Variants in ARID4B observed in about 807,000 individuals in gnomAD.
ARID4B encodes AT-rich interactive domain-containing protein 4B.
A neutral mutation model predicts 147.5 loss-of-function variants in ARID4B; 26 were observed. The observed-to-expected ratio is 0.18, with a 90% CI of 0.13 to 0.24. The LOEUF is 0.24. Ranked by LOEUF, ARID4B falls within the 10% of genes least tolerant of loss-of-function variation. The pLI is 1.00. For missense variants in ARID4B, 1,179 were observed against 1,511.5 expected, an observed-to-expected ratio of 0.78 and a Z score of 3.65; for synonymous variants, 512 against 507.9, an observed-to-expected ratio of 1.01 and a Z score of -0.11.
intron 2 of ARID4B, among the ~76,000 whole-genome samples, chr1:235,313,128 C>G (rs1303445816): frequency 1.3e-5 from 2 of 152,146 alleles, no homozygotes; most frequent in African/African-American, 4.8e-5. Flanking sequence ...ACTGCAATTT[C>G]CACTTCCCGG....
Position 235,193,989 on chromosome 1 carries a change from C to A in ARID4B, c.2125+24G>T, listed in dbSNP as rs748525278. ...CATAAATTAAAATCAAATACTTGCA[C>A]AACAGAACGATTGTTATGTTTACCT... On this transcript the variant is annotated intron_variant, in intron 19 of 23. Transcript: ENST00000264183. 59 of 1,399,032 alleles carry A rather than the reference C, an allele frequency of 4.2e-5. No individual in the cohort carries two copies. The South Asian group carries it at 6.3e-4, about 15-fold the overall frequency. 86.7% of individuals were successfully genotyped at this position (1,399,032 alleles called of 1,614,324 possible).
chr1:235,301,554 T>C (rs1327479617), intron 2 of ARID4B, among the ~76,000 whole-genome samples: 3 of 104,896 alleles, frequency 2.9e-5, no homozygotes, highest in Non-Finnish European at 4.0e-5. Context: ...TTTTTTTTTT[T>C]CTCCTTTTGA....
At chr1:235,308,301 G>A (rs546499189) in intron 2 of ARID4B, among the ~76,000 whole-genome samples, 24 of 151,790 alleles carry the variant, frequency 1.6e-4, no homozygotes, top group South Asian at 4.2e-4. Context: ...ACAGGGTTTC[G>A]CTGTGTTGGC....
At chr1:235,206,668 G>A (rs1340199490) in intron 17 of ARID4B, among the ~76,000 whole-genome samples, 3 of 152,132 alleles carry the variant, frequency 2.0e-5, no homozygotes, top group Non-Finnish European at 2.9e-5. Flanking sequence ...CGGAAGGAGT[G>A]ATCAACTGAC....
In ARID4B at chr1:235,170,779, G is replaced by A. The variant is rs1471584469; in HGVS notation, c.3811+1839C>T. ...ATTACAAAAATTAGCTGGGCATGGC[G>A]GCACGCACCTGTAGTCCTAGCTACC... On this transcript the variant is annotated intron_variant, in intron 23 of 23. Transcript: ENST00000264183. 5.3e-5 allele frequency among the ~76,000 whole-genome samples: 8 copies of A among 151,686 alleles called. No homozygotes were observed. The East Asian group carries it at 7.7e-4, about 15-fold the overall frequency.
At chr1:235,257,389 C>A (rs1277392772) in intron 3 of ARID4B, among the ~76,000 whole-genome samples, 164 bp from the exon 4 acceptor site, 2 of 152,042 alleles carry the variant, frequency 1.3e-5, no homozygotes, top group Non-Finnish European at 2.9e-5. Context: ...TATTTACAGA[C>A]AACTGCTCAG....
intron 2 of ARID4B, among the ~76,000 whole-genome samples, chr1:235,268,585 A>G (rs71640629): frequency 3.4e-4 from 51 of 152,066 alleles, no homozygotes; most frequent in African/African-American, 1.2e-3. Context: ...CTGGAGTGCA[A>G]TGGTGTGATA....
intron 3 of ARID4B, among the ~76,000 whole-genome samples, chr1:235,258,790 T>C (rs1670132244): frequency 6.6e-6 from 1 of 152,248 alleles, no homozygotes; most frequent in African/African-American, 2.4e-5. Flanking sequence ...TTAAATCACA[T>C]GTTTAGATAT....
chr1:235,260,270 A>G (rs1387528307), intron 3 of ARID4B, among the ~76,000 whole-genome samples: 2 of 152,202 alleles, frequency 1.3e-5, no homozygotes, highest in African/African-American at 4.8e-5. Flanking sequence ...GAACTATGGT[A>G]GTTCCAATTC....
At chr1:235,283,200 CAA>C (rs1489878407) in intron 2 of ARID4B, among the ~76,000 whole-genome samples, 1 of 152,040 alleles carries the variant, frequency 6.6e-6, no homozygotes, top group Non-Finnish European at 1.5e-5. Flanking sequence ...TATAAAAGAG[CAA>C]AGAGAGGTGG....
chr1:235,269,568 C>T (rs1205333666), intron 2 of ARID4B, among the ~76,000 whole-genome samples: 1 of 152,030 alleles, frequency 6.6e-6, no homozygotes, highest in African/African-American at 2.4e-5. Context: ...TAAGCTTGCT[C>T]TTAAAAAGTT....
intron 19 of ARID4B, among the ~76,000 whole-genome samples, chr1:235,187,792 G>A (rs1664797026): frequency 6.6e-6 from 1 of 151,898 alleles, no homozygotes; most frequent in East Asian, 1.9e-4. Context: ...TGTGGCCAAA[G>A]ATAAAAAATA....
chr1:235,324,393 T>C (rs1356164798), intron 2 of ARID4B, among the ~76,000 whole-genome samples: 1 of 152,244 alleles, frequency 6.6e-6, no homozygotes, highest in Non-Finnish European at 1.5e-5. Context: ...TTTACATAAA[T>C]TCTTAAAGGT....
chr1:235,203,588 T>A (rs1032475380), intron 17 of ARID4B, among the ~76,000 whole-genome samples: 2 of 152,198 alleles, frequency 1.3e-5, no homozygotes, highest in Non-Finnish European at 2.9e-5. Flanking sequence ...TATATTTTGC[T>A]TTCTATAATG....
At chr1:235,175,073 C>T in intron 22 of ARID4B, 111 bp downstream of exon 22, 1 of 982,532 alleles carries the variant, frequency 1.0e-6, no homozygotes, top group South Asian at 1.5e-5. Flanking sequence ...CACCACCGCA[C>T]TCCAGCCTGG....
At chr1:235,290,570 G>A (rs898080770) in intron 2 of ARID4B, among the ~76,000 whole-genome samples, 10 of 152,084 alleles carry the variant, frequency 6.6e-5, no homozygotes, top group Non-Finnish European at 1.3e-4. Context: ...AAAGCAAAAG[G>A]TCAAAAACAA....
chr1:235,307,881 G>T (rs1206110951), intron 2 of ARID4B, among the ~76,000 whole-genome samples: 1 of 151,984 alleles, frequency 6.6e-6, no homozygotes, highest in East Asian at 1.9e-4. Context: ...GCCCAGGCTG[G>T]AATCTAGTGG....
chr1:235,277,594 T>TTGTGTGTGTGTG (rs71576468), intron 2 of ARID4B, among the ~76,000 whole-genome samples: 1 of 129,572 alleles, frequency 7.7e-6, no homozygotes, highest in African/African-American at 3.0e-5. Flanking sequence ...ATGCCTTATA[T>TTGTGTGTGTGTG]TGTGTGTGTG....
chr1:235,177,845 T>G lies in ARID4B; in HGVS notation c.3403A>C (p.Ser1135Arg). ...GGSSSKKQKRSHKATVVNNKK... is the reference protein window; with the variant it reads ...GGSSSKKQKRRHKATVVNNKK... ...TTGTTTACCACTGTTGCTTTATGGC[T>G]TCTTTTCTGCTTTTTTGATGAACTT... Residue 1135 changes from serine (S) to arginine (R), a missense_variant, in exon 21 of 24, where the codon AGC (serine) becomes CGC (arginine). Ser to Arg is a moderately radical substitution (Grantham distance 110). Transcript: ENST00000264183. The G allele has an allele frequency of 6.2e-7, 1 of 1,613,010 alleles. No homozygotes were observed. The highest frequency in any genetic ancestry group is 8.5e-7 in the Non-Finnish European group (1 of 1,179,412).
Sources: gnomAD v4.1 joint callset for allele counts (sites outside exome capture counted in the v4.1 genomes callset) on GRCh38, gnomAD v4.1.1 for gene constraint, MANE v1.5 for transcripts, NCBI Gene and HGNC (gene_info 2026-07-23, HGNC 2026-07-21) for gene names.